PAX3: variants seen among roughly 807,000 people sequenced by gnomAD.
PAX3 encodes paired box 3.
A neutral mutation model predicts 51.6 loss-of-function variants in PAX3; 14 were observed. The observed-to-expected ratio is 0.27, with a 90% CI of 0.18 to 0.42. PAX3 has a LOEUF of 0.42. Among genes scored for constraint, PAX3 ranks in the 10% least tolerant of loss-of-function variants. PAX3 has a pLI of 1.00. For synonymous variants in PAX3, 280 were observed against 253.4 expected, an observed-to-expected ratio of 1.11 and a Z score of -1.00; for missense variants, 540 against 642.8, an observed-to-expected ratio of 0.84 and a Z score of 1.73.
intron 4 of PAX3, among the ~76,000 whole-genome samples, chr2:222,270,030 T>C (rs1694195797): frequency 6.6e-6 from 1 of 152,216 alleles, no homozygotes; most frequent in Non-Finnish European, 1.5e-5. Flanking sequence ...CACCATGCAG[T>C]GGCCACTGTC....
rs546468709 is a variant in PAX3 at position 222,209,696 on chromosome 2, C to CAAAAAAAAAAAA, written c.1174-7518_1174-7507dup. Among the ~76,000 whole-genome samples, 5 of 61,372 alleles carry CAAAAAAAAAAAA rather than the reference C, an allele frequency of 8.1e-5. 1 individual carries two copies. Among genetic ancestry groups the CAAAAAAAAAAAA allele is most frequent in the African/African-American group, 3.3e-4 (5 of 15,232 alleles). 40.3% of individuals were successfully genotyped at this position (61,372 alleles called of 152,430 possible). Reference sequence around the variant, plus strand: ...TCAATACAGCAAAACTCTGTCTCTACAAAAAAAAAAAAAAAAAAAAAAAAA... The same window carrying CAAAAAAAAAAAA: ...TCAATACAGCAAAACTCTGTCTCTACAAAAAAAAAAAAAAAAAAAAAAAAAAAAAAAAAAAAA... On this transcript the variant is annotated intron_variant, in intron 7 of 8. Transcript: ENST00000392070.
intron 5 of PAX3, among the ~76,000 whole-genome samples, chr2:222,226,379 A>G (rs1177170994): frequency 2.0e-5 from 3 of 152,056 alleles, no homozygotes; most frequent in Non-Finnish European, 4.4e-5. Flanking sequence ...TTTGGCCACC[A>G]TTTGGAGAGC....
At chr2:222,291,711 C>A (rs1695045023) in intron 4 of PAX3, among the ~76,000 whole-genome samples, 1 of 152,188 alleles carries the variant, frequency 6.6e-6, no homozygotes, top group Admixed American at 6.5e-5. Flanking sequence ...CAGCTTTCTT[C>A]TCCCCCTCTG....
At chr2:222,240,070 G>T (rs1018805296) in intron 4 of PAX3, among the ~76,000 whole-genome samples, 2 of 152,030 alleles carry the variant, frequency 1.3e-5, no homozygotes, top group African/African-American at 4.8e-5. Context: ...CTCCTGCCAG[G>T]TTGGGGCTAA....
chr2:222,286,158 A>C (rs1208789731), intron 4 of PAX3, among the ~76,000 whole-genome samples: 1 of 152,162 alleles, frequency 6.6e-6, no homozygotes, highest in East Asian at 1.9e-4. Flanking sequence ...GGCTGGTCTC[A>C]AACTCCTAAC....
chr2:222,281,956 T>G (rs576263526), intron 4 of PAX3, among the ~76,000 whole-genome samples: 2 of 152,270 alleles, frequency 1.3e-5, no homozygotes, highest in African/African-American at 4.8e-5. Context: ...ATTAAGAAAA[T>G]GCATCCTCCT....
At chr2:222,295,463 G>A in intron 3 of PAX3, 65 bp downstream of exon 3, 4 of 1,579,296 alleles carry the variant, frequency 2.5e-6, no homozygotes, top group Non-Finnish European at 2.6e-6. Flanking sequence ...TTACGTCTGG[G>A]TCGACGTGCC....
chr2:222,292,459 T>C (rs1209674287), intron 4 of PAX3, among the ~76,000 whole-genome samples: 1 of 152,212 alleles, frequency 6.6e-6, no homozygotes, highest in East Asian at 1.9e-4. Context: ...CTGGAAAAGT[T>C]GTACAAATGT....
rs1335736481 is a variant in PAX3, at chr2:222,237,374, G to A, written c.587-5091C>T. Among the ~76,000 whole-genome samples, 5 of 137,024 alleles carry A rather than the reference G, an allele frequency of 3.6e-5. No homozygotes were observed. The Admixed American group carries it at 3.8e-4, about 10-fold the overall frequency. The allele number at this position is 137,024 out of a possible 152,430, so 89.9% of individuals were successfully genotyped here. On this transcript the variant is annotated intron_variant, in intron 4 of 8. Coordinates refer to ENST00000392070, the MANE Select transcript of PAX3 (RefSeq NM_181458.4). ...CACACACACACAGTTCTTTTGAAGA[G>A]GAATAACAGAAATGAACAAAAACAG...
chr2:222,255,656 A>G (rs1693610296), intron 4 of PAX3, among the ~76,000 whole-genome samples: 1 of 152,228 alleles, frequency 6.6e-6, no homozygotes, highest in African/African-American at 2.4e-5. Context: ...GTACTGACCT[A>G]CCTAGATTTT....
In PAX3 at chr2:222,258,194, G is replaced by T. The variant is rs140366047; in HGVS notation, c.587-25911C>A. 1.6e-4 allele frequency among the ~76,000 whole-genome samples: 25 copies of T among 152,240 alleles called. No homozygotes were observed. In the East Asian group the frequency reaches 4.8e-3, roughly 29 times the overall value. ...CAGCTTTTTCAGAGGGAACTATAGT[G>T]GTGGAAAAAACAATATATTTGTCTG... On this transcript the variant is annotated intron_variant, in intron 4 of 8. Transcript: ENST00000392070.
At chr2:222,239,355 G>C (rs1435305093) in intron 4 of PAX3, among the ~76,000 whole-genome samples, 2 of 151,944 alleles carry the variant, frequency 1.3e-5, no homozygotes, top group African/African-American at 2.4e-5. Context: ...GAGAAGGAGG[G>C]GGGAGGTTGA....
At chr2:222,244,647 C>T (rs774360762) in intron 4 of PAX3, among the ~76,000 whole-genome samples, 19 of 150,554 alleles carry the variant, frequency 1.3e-4, no homozygotes, top group Non-Finnish European at 2.2e-4. Flanking sequence ...GTAGAAGTCC[C>T]AGAATGTGTA....
At chr2:222,203,377 C>T (rs1691382649) in intron 7 of PAX3, among the ~76,000 whole-genome samples, 1 of 151,818 alleles carries the variant, frequency 6.6e-6, no homozygotes, top group African/African-American at 2.4e-5. Flanking sequence ...GGTCAAGAGC[C>T]CCCCCGAAGA....
intron 7 of PAX3, among the ~76,000 whole-genome samples, chr2:222,209,453 G>A (rs1256644179): frequency 6.6e-6 from 1 of 151,984 alleles, no homozygotes. Flanking sequence ...GGTAATCATG[G>A]GGAAATGGAG....
At chr2:222,268,539 C>T (rs905882146) in intron 4 of PAX3, among the ~76,000 whole-genome samples, 1 of 152,136 alleles carries the variant, frequency 6.6e-6, no homozygotes, top group African/African-American at 2.4e-5. Flanking sequence ...GGTTGCCTCT[C>T]CCCAAGGGTG....
intron 4 of PAX3, chr2:222,293,603 T>C (rs911604619): frequency 1.2e-5 from 20 of 1,609,388 alleles, no homozygotes; most frequent in Admixed American, 1.7e-5. Flanking sequence ...CCCCCTCACA[T>C]TTGAAAATCA....
At chr2:222,291,969 G>GGT (rs3997675) in intron 4 of PAX3, among the ~76,000 whole-genome samples, 12,920 of 133,570 alleles carry the variant, frequency 0.097, 610 homozygotes, top group Admixed American at 0.15. Flanking sequence ...CAGCCTCCAA[G>GGT]GTGTGTGTGT....
chr2:222,294,964 G>T (rs1376849129), intron 3 of PAX3, among the ~76,000 whole-genome samples: 2 of 151,968 alleles, frequency 1.3e-5, no homozygotes, highest in African/African-American at 4.8e-5. Context: ...GTTTCTCACA[G>T]AGGGAAAAAG....
Sources: allele counts gnomAD v4.1 joint callset (sites outside exome capture counted in the v4.1 genomes callset), GRCh38; gene constraint gnomAD v4.1.1; transcripts MANE v1.5; gene names NCBI Gene and HGNC (gene_info 2026-07-23, HGNC 2026-07-21).